The following NAALADL2 variants were observed in gnomAD, a reference collection of about 807,000 sequenced individuals.
NAALADL2 encodes inactive N-acetylated-alpha-linked acidic dipeptidase-like protein 2.
NAALADL2 carries 76 observed loss-of-function variants against 87.2 expected under a neutral mutation model. That is an observed-to-expected ratio of 0.87 (90% confidence interval 0.72 to 1.05). NAALADL2 has a LOEUF of 1.05. Among genes scored for constraint, NAALADL2 ranks in the 50% least tolerant of loss-of-function variants. NAALADL2 has a pLI of 0.00. For synonymous variants in NAALADL2, 354 were observed against 331.0 expected, an observed-to-expected ratio of 1.07 and a Z score of -0.75; for missense variants, 1,089 against 945.8, an observed-to-expected ratio of 1.15 and a Z score of -1.99.
At chr3:175,540,725 G>T (rs934983354) in intron 9 of NAALADL2, among the ~76,000 whole-genome samples, 1 of 152,052 alleles carries the variant, frequency 6.6e-6, no homozygotes, top group African/African-American at 2.4e-5. Flanking sequence ...TGATAAATGT[G>T]ATCCAAAATA....
At chr3:174,824,134 T>C (rs1045119105) in intron 3 of NAALADL2, among the ~76,000 whole-genome samples, 2 of 152,188 alleles carry the variant, frequency 1.3e-5, no homozygotes, top group African/African-American at 4.8e-5. Flanking sequence ...TTGCTTACAC[T>C]TTATTAGGAT....
intron 3 of NAALADL2, among the ~76,000 whole-genome samples, chr3:174,816,505 A>T (rs981120286): frequency 1.4e-5 from 2 of 147,482 alleles, no homozygotes; most frequent in African/African-American, 4.9e-5. Context: ...ACATTATTTT[A>T]TACATTTATT....
chr3:174,731,620 G>A (rs1047878547), intron 2 of NAALADL2, among the ~76,000 whole-genome samples: 2 of 152,142 alleles, frequency 1.3e-5, no homozygotes, highest in Admixed American at 6.6e-5. Context: ...TCAAATTTTA[G>A]TGTGAATTGG....
Position 175,233,930 on chromosome 3 carries a change from G to T in NAALADL2, c.546-1G>T. On this transcript the variant is annotated splice_acceptor_variant, in intron 2 of 13. Coordinates refer to ENST00000454872, the MANE Select transcript of NAALADL2 (RefSeq NM_207015.3). LOFTEE classifies it high-confidence loss of function. ...AAGTTTTCTTTTCAAATTTATTTCAGAAATTTGGTACAACTATATAAAAAT... is the reference window on the plus strand; with the variant it reads ...AAGTTTTCTTTTCAAATTTATTTCATAAATTTGGTACAACTATATAAAAAT... The T allele has an allele frequency of 6.5e-7, 1 of 1,538,780 alleles. No homozygotes were observed. Among genetic ancestry groups the T allele is most frequent in the Non-Finnish European group, 8.9e-7 (1 of 1,128,432 alleles).
chr3:174,855,568 A>G (rs1436534549), upstream of NAALADL2, among the ~76,000 whole-genome samples: 4 of 151,770 alleles, frequency 2.6e-5, no homozygotes, highest in African/African-American at 4.8e-5. Context: ...ACTTTTCCCA[A>G]CTGAAAATTT....
At chr3:175,036,804 C>CTTTTTTTTTTTTT (rs10662446) in intron 1 of NAALADL2, among the ~76,000 whole-genome samples, 2 of 117,360 alleles carry the variant, frequency 1.7e-5, no homozygotes, top group African/African-American at 3.3e-5. Flanking sequence ...TCCATCTGTT[C>CTTTTTTTTTTTTT]TTTTTTTTTT....
At chr3:175,154,563 G>C (rs1408700693) in intron 2 of NAALADL2, among the ~76,000 whole-genome samples, 1 of 150,046 alleles carries the variant, frequency 6.7e-6, no homozygotes, top group Admixed American at 6.7e-5. Flanking sequence ...GGACATCCTA[G>C]TACATAGTGC....
At chr3:175,164,098 A>T (rs945788357) in intron 2 of NAALADL2, among the ~76,000 whole-genome samples, 3 of 152,256 alleles carry the variant, frequency 2.0e-5, no homozygotes, top group Admixed American at 1.3e-4. Context: ...TAATTTTAAG[A>T]ACTAATAATA....
chr3:175,097,684 GC>G (rs1451999229), intron 2 of NAALADL2, among the ~76,000 whole-genome samples: 1 of 151,990 alleles, frequency 6.6e-6, no homozygotes, highest in African/African-American at 2.4e-5. Flanking sequence ...AAATAAACCT[GC>G]TTTATGGGCT....
intron 13 of NAALADL2, among the ~76,000 whole-genome samples, chr3:175,790,200 A>T (rs1313949126): frequency 3.3e-5 from 5 of 151,864 alleles, no homozygotes; most frequent in African/African-American, 4.8e-5. Context: ...TCAATCAATA[A>T]AATTGGCTAG....
intron 1 of NAALADL2, among the ~76,000 whole-genome samples, chr3:175,010,415 G>C (rs903948601): frequency 2.6e-5 from 4 of 152,092 alleles, no homozygotes; most frequent in Admixed American, 2.0e-4. Context: ...CCTTCATTTG[G>C]CATCTCTAGT....
At chr3:175,683,993 G>T (rs556901822) in intron 11 of NAALADL2, among the ~76,000 whole-genome samples, 1 of 152,002 alleles carries the variant, frequency 6.6e-6, no homozygotes, top group African/African-American at 2.4e-5. Flanking sequence ...ATTACTGTTT[G>T]TTGTAACATT....
chr3:174,478,224 G>A (rs573491859), intron 1 of NAALADL2, among the ~76,000 whole-genome samples: 3 of 152,112 alleles, frequency 2.0e-5, no homozygotes, highest in East Asian at 1.9e-4. Flanking sequence ...TGTATCTTCT[G>A]CTATGTTTTT....
chr3:174,700,931 G>C (rs1382563439), intron 2 of NAALADL2, among the ~76,000 whole-genome samples: 3 of 152,076 alleles, frequency 2.0e-5, no homozygotes, highest in Non-Finnish European at 1.5e-5. Context: ...TTGGATAATG[G>C]AGCTTAGCAT....
intron 2 of NAALADL2, among the ~76,000 whole-genome samples, chr3:174,700,241 T>A (rs1560154571): frequency 6.6e-6 from 1 of 151,502 alleles, no homozygotes; most frequent in Non-Finnish European, 1.5e-5. Context: ...TTTTTTTTTT[T>A]TTTTCAGCGT....
chr3:175,456,088 TATAATTATTCACAATACAG>T (rs1722276207), intron 6 of NAALADL2, among the ~76,000 whole-genome samples: 2 of 152,068 alleles, frequency 1.3e-5, no homozygotes, highest in Admixed American at 1.3e-4. Context: ...AGATACTTGG[TATAATTATTCACAATACAG>T]GTGAAAATGA....
At chr3:175,623,641 A>T (rs573494748) in intron 10 of NAALADL2, among the ~76,000 whole-genome samples, 1 of 152,226 alleles carries the variant, frequency 6.6e-6, no homozygotes, top group African/African-American at 2.4e-5. Flanking sequence ...GGAGGTGGTC[A>T]TGTGAAGAAC....
chr3:174,763,266 A>G (rs1243534060), intron 3 of NAALADL2, among the ~76,000 whole-genome samples: 1 of 152,114 alleles, frequency 6.6e-6, no homozygotes, highest in African/African-American at 2.4e-5. Flanking sequence ...AAATTTCACA[A>G]TTTTATGTAC....
chr3:175,279,689 G>A (rs1754020308), intron 4 of NAALADL2, among the ~76,000 whole-genome samples: 1 of 151,816 alleles, frequency 6.6e-6, no homozygotes, highest in Non-Finnish European at 1.5e-5. Context: ...CAGGAAGAAT[G>A]ATCTAGAGTG....
Sources: allele counts gnomAD v4.1 joint callset (sites outside exome capture counted in the v4.1 genomes callset), GRCh38; gene constraint gnomAD v4.1.1; transcripts MANE v1.5; gene names NCBI Gene and HGNC (gene_info 2026-07-23, HGNC 2026-07-21).